The following NTM variants were observed in gnomAD, a reference collection of about 807,000 sequenced individuals.
The protein encoded by NTM is neurotrimin, also known as IgLON family member 2.
NTM carries 13 observed loss-of-function variants against 42.1 expected under a neutral mutation model. The ratio of observed to expected loss-of-function variants is 0.31; its 90% CI spans 0.20 to 0.49. The LOEUF is 0.49. NTM is among the 20% of genes least tolerant of loss of function. The pLI is 0.99. For synonymous variants in NTM, 187 were observed against 179.2 expected (o/e 1.04, Z -0.35); for missense variants, 373 against 452.8 (o/e 0.82, Z 1.60).
At chr11:131,810,507 C>A (rs140983984) in intron 1 of NTM, among the ~76,000 whole-genome samples, 7 of 152,200 alleles carry the variant, frequency 4.6e-5, no homozygotes, top group African/African-American at 1.7e-4. Context: ...GAGACTCGAG[C>A]AGCCAGACTG....
intron 1 of NTM, among the ~76,000 whole-genome samples, chr11:131,378,515 A>G (rs1023127796): frequency 6.6e-6 from 1 of 152,214 alleles, no homozygotes; most frequent in Non-Finnish European, 1.5e-5. Flanking sequence ...TCTACGTGCT[A>G]TCTCATATAT....
intron 1 of NTM, among the ~76,000 whole-genome samples, chr11:131,547,504 C>T (rs945839722): frequency 1.3e-4 from 20 of 152,162 alleles, no homozygotes; most frequent in South Asian, 4.2e-4. Context: ...AGTGGGATGG[C>T]GTTCAGTGAA....
intron 1 of NTM, among the ~76,000 whole-genome samples, chr11:131,491,286 A>C (rs1954759668): frequency 6.6e-6 from 1 of 152,188 alleles, no homozygotes; most frequent in African/African-American, 2.4e-5. Context: ...TGGTAACATA[A>C]AATTCTTTGC....
intron 1 of NTM, among the ~76,000 whole-genome samples, chr11:131,445,296 T>C (rs1019256017): frequency 2.0e-5 from 3 of 152,204 alleles, no homozygotes; most frequent in Admixed American, 6.5e-5. Flanking sequence ...CTTTACACTA[T>C]CAGCACCCAC....
rs139503411 is a variant in NTM, at chr11:132,062,245, A to G, written c.168-84037A>G. On this transcript the variant is annotated intron_variant, in intron 2 of 8. Transcript: ENST00000683400. ...GAGTATGGAAGAGGAGTGGTGTGAC[A>G]TAGTAATTTCTGTTTGTTTTTATAT... Among the ~76,000 whole-genome samples the G allele has an allele frequency of 2.6e-5, 4 of 152,282 alleles. No homozygotes were observed. The East Asian group carries it at 7.7e-4, about 29-fold the overall frequency.
chr11:131,416,107 AG>A (rs1458789947), intron 1 of NTM, among the ~76,000 whole-genome samples: 2 of 152,144 alleles, frequency 1.3e-5, no homozygotes, highest in Non-Finnish European at 2.9e-5. Context: ...TTTTTATCTG[AG>A]GTTCAAATTC....
chr11:131,515,902 C>G (rs2048836712), intron 1 of NTM, among the ~76,000 whole-genome samples: 1 of 152,138 alleles, frequency 6.6e-6, no homozygotes. Context: ...CGAGTCCATT[C>G]TCTGCTTAGC....
At chr11:131,500,078 G>A (rs2046547800) in intron 1 of NTM, among the ~76,000 whole-genome samples, 1 of 152,198 alleles carries the variant, frequency 6.6e-6, no homozygotes, top group Admixed American at 6.5e-5. Context: ...CAGGCTGTAT[G>A]GACCTGGCCC....
intron 1 of NTM, among the ~76,000 whole-genome samples, chr11:131,807,114 C>G (rs1410309725): frequency 6.6e-6 from 1 of 152,122 alleles, no homozygotes; most frequent in Admixed American, 6.5e-5. Context: ...AGGAAAAGTA[C>G]AGAGCACAAA....
chr11:132,135,827 G>A (rs1057400018), intron 2 of NTM, among the ~76,000 whole-genome samples: 1 of 152,168 alleles, frequency 6.6e-6, no homozygotes, highest in Admixed American at 6.5e-5. Flanking sequence ...CAGGGCAGTG[G>A]CTGTGCAAAT....
intron 1 of NTM, among the ~76,000 whole-genome samples, chr11:131,822,887 T>G (rs1463288938): frequency 2.0e-5 from 3 of 152,346 alleles, no homozygotes; most frequent in East Asian, 3.9e-4. Context: ...ACCTTGTTTT[T>G]GTGAATATGC....
At chr11:131,809,236 A>G (rs2053860493) in intron 1 of NTM, among the ~76,000 whole-genome samples, 1 of 152,198 alleles carries the variant, frequency 6.6e-6, no homozygotes, top group African/African-American at 2.4e-5. Context: ...GTAAAATTAT[A>G]TGTATACCAT....
At chr11:132,288,683 G>A (rs187510582) in intron 4 of NTM, among the ~76,000 whole-genome samples, 124 of 151,994 alleles carry the variant, frequency 8.2e-4, no homozygotes, top group African/African-American at 2.9e-3. Flanking sequence ...GCAATGGCAC[G>A]ATCTTGGCCC....
intron 1 of NTM, among the ~76,000 whole-genome samples, chr11:131,694,091 C>T (rs1188304337): frequency 6.6e-6 from 1 of 152,222 alleles, no homozygotes; most frequent in Admixed American, 6.5e-5. Flanking sequence ...AACACTTGTT[C>T]TCCTCCCTGC....
chr11:131,677,148 C>T (rs187990494), intron 1 of NTM, among the ~76,000 whole-genome samples: 2 of 152,270 alleles, frequency 1.3e-5, no homozygotes, highest in East Asian at 3.9e-4. Flanking sequence ...GCCTCAGGTC[C>T]CCGAGCCCTG....
At chr11:132,232,117 G>T (rs900317190) in intron 4 of NTM, among the ~76,000 whole-genome samples, 1 of 152,188 alleles carries the variant, frequency 6.6e-6, no homozygotes, top group Non-Finnish European at 1.5e-5. Context: ...CCTGCGTCTC[G>T]CCTGGGAGAG....
intron 1 of NTM, among the ~76,000 whole-genome samples, chr11:131,516,158 G>A (rs914604445): frequency 4.6e-5 from 7 of 152,166 alleles, no homozygotes; most frequent in Admixed American, 2.6e-4. Flanking sequence ...TCTGAAGTAT[G>A]CTTTTAATTT....
chr11:132,104,972 TATATATATATATATATA>T (rs2062151077), intron 2 of NTM, among the ~76,000 whole-genome samples: 1 of 121,602 alleles, frequency 8.2e-6, no homozygotes, highest in African/African-American at 3.2e-5. Context: ...TATATATATA[TATATATATATATATATA>T]TATTTCATGG....
intron 1 of NTM, among the ~76,000 whole-genome samples, chr11:131,468,358 C>T (rs1242320147): frequency 1.3e-5 from 2 of 152,184 alleles, no homozygotes; most frequent in Non-Finnish European, 2.9e-5. Context: ...AAATGTTGCT[C>T]GGTGCTTAAT....
Sources: allele counts gnomAD v4.1 joint callset (sites outside exome capture counted in the v4.1 genomes callset), GRCh38; gene constraint gnomAD v4.1.1; transcripts MANE v1.5; gene names NCBI Gene and HGNC (gene_info 2026-07-23, HGNC 2026-07-21).